The following MSRA variants were observed in gnomAD, a reference collection of about 807,000 sequenced individuals.
MSRA encodes methionine sulfoxide reductase A.
A neutral mutation model predicts 31.3 loss-of-function variants in MSRA; 54 were observed. That is an observed-to-expected ratio of 1.73 (90% confidence interval 1.39 to 2.17). The LOEUF (loss-of-function observed/expected upper bound fraction) is 2.17, where lower values mean the gene tolerates loss of function less well. Among genes scored for constraint, MSRA ranks in the 30% most tolerant of loss-of-function variants. MSRA has a pLI of 0.00. For missense variants in MSRA, 507 were observed against 300.9 expected, an observed-to-expected ratio of 1.69 and a Z score of -5.07; for synonymous variants, 169 against 116.5, an observed-to-expected ratio of 1.45 and a Z score of -2.90.
At chr8:10,325,997 C>A (rs1248827558) in intron 5 of MSRA, among the ~76,000 whole-genome samples, 1 of 152,190 alleles carries the variant, frequency 6.6e-6, no homozygotes, top group East Asian at 1.9e-4. Context: ...GGAAATTCTG[C>A]CCATGACTCA....
chr8:10,358,829 T>A (rs1804670285), intron 5 of MSRA, among the ~76,000 whole-genome samples: 1 of 148,876 alleles, frequency 6.7e-6, no homozygotes, highest in South Asian at 2.1e-4. Flanking sequence ...CCTGACCTCG[T>A]GATCCGCCCG....
chr8:10,295,157 A>G (rs557348903), intron 3 of MSRA, among the ~76,000 whole-genome samples: 5 of 152,186 alleles, frequency 3.3e-5, no homozygotes, highest in Admixed American at 6.5e-5. Flanking sequence ...TGTTTGGGCA[A>G]TGAGACTGCT....
intron 1 of MSRA, among the ~76,000 whole-genome samples, chr8:10,207,486 G>A (rs139788545): frequency 1.7e-3 from 261 of 152,340 alleles, no homozygotes; most frequent in Middle Eastern, 0.01. Flanking sequence ...CAGCCTGGAA[G>A]TTGGAGCTTT....
At chr8:10,095,439 A>C (rs530982522) in intron 1 of MSRA, 77 of 983,038 alleles carry the variant, frequency 7.8e-5, no homozygotes, top group Non-Finnish European at 9.1e-5. Context: ...CCTGTTTTCA[A>C]ATGTATTAAT....
intron 1 of MSRA, among the ~76,000 whole-genome samples, chr8:10,192,029 G>A (rs1014052937): frequency 6.6e-6 from 1 of 152,152 alleles, no homozygotes; most frequent in Non-Finnish European, 1.5e-5. Context: ...CATTCACAGG[G>A]CTGTTGGCAA....
At chr8:10,296,670 T>A (rs910940943) in intron 3 of MSRA, among the ~76,000 whole-genome samples, 2 of 152,196 alleles carry the variant, frequency 1.3e-5, no homozygotes, top group Non-Finnish European at 2.9e-5. Context: ...ATCACCCAGT[T>A]TGCAGGTGAA....
chr8:10,083,379 A>G (rs562140150), intron 1 of MSRA, among the ~76,000 whole-genome samples: 31 of 152,320 alleles, frequency 2.0e-4, no homozygotes, highest in Admixed American at 1.6e-3. Flanking sequence ...ATTTCCCTGT[A>G]TTTTAGAAAT....
chr8:10,065,306 G>T (rs1797401777), intron 1 of MSRA, among the ~76,000 whole-genome samples: 1 of 152,180 alleles, frequency 6.6e-6, no homozygotes, highest in African/African-American at 2.4e-5. Context: ...GACACCAGGA[G>T]TAGAAACTTC....
intron 5 of MSRA, among the ~76,000 whole-genome samples, chr8:10,426,057 C>G (rs1346035859): frequency 6.6e-6 from 1 of 152,184 alleles, no homozygotes; most frequent in African/African-American, 2.4e-5. Flanking sequence ...ATCCCAAAGC[C>G]TTCCTTCAGT....
At chr8:10,190,315 C>T (rs935831836) in intron 1 of MSRA, among the ~76,000 whole-genome samples, 2 of 152,206 alleles carry the variant, frequency 1.3e-5, no homozygotes, top group South Asian at 4.1e-4. Context: ...CACAGGGCAC[C>T]AGAGCCCCTG....
At chr8:10,175,172 C>T (rs1805937533) in intron 1 of MSRA, among the ~76,000 whole-genome samples, 1 of 152,108 alleles carries the variant, frequency 6.6e-6, no homozygotes, top group Admixed American at 6.6e-5. Context: ...GAGCACCTGG[C>T]ACTCATGAGA....
At chr8:10,137,443 G>A (rs1802365779) in intron 1 of MSRA, among the ~76,000 whole-genome samples, 2 of 152,102 alleles carry the variant, frequency 1.3e-5, no homozygotes, top group Non-Finnish European at 2.9e-5. Context: ...TATACACCTG[G>A]AATCGGTATT....
chr8:10,214,667 AC>A (rs1809832483), intron 2 of MSRA, among the ~76,000 whole-genome samples: 1 of 152,198 alleles, frequency 6.6e-6, no homozygotes, highest in African/African-American at 2.4e-5. Context: ...AATTAGCGAA[AC>A]AATCTAAATT....
At chr8:10,391,133 G>T (rs931300752) in intron 5 of MSRA, among the ~76,000 whole-genome samples, 1 of 152,198 alleles carries the variant, frequency 6.6e-6, no homozygotes, top group African/African-American at 2.4e-5. Context: ...CACTCTATTG[G>T]AAGAACACTT....
intron 2 of MSRA, among the ~76,000 whole-genome samples, chr8:10,208,120 C>T (rs73191562): frequency 0.086 from 13,019 of 152,072 alleles, 881 homozygotes; most frequent in African/African-American, 0.19. Flanking sequence ...CGTTGACAAC[C>T]ACGTATCAAA....
At chr8:10,116,440 A>G (rs1377030998) in intron 1 of MSRA, among the ~76,000 whole-genome samples, 2 of 152,174 alleles carry the variant, frequency 1.3e-5, no homozygotes, top group Non-Finnish European at 1.5e-5. Flanking sequence ...TTGATAAGCA[A>G]TTCTTGAGCA....
chr8:10,245,570 A>T (rs1407035698), intron 3 of MSRA, among the ~76,000 whole-genome samples: 1 of 152,202 alleles, frequency 6.6e-6, no homozygotes. Flanking sequence ...TCATGTGGCT[A>T]AGGTCAACCT....
chr8:10,183,759 G>C (rs934155701), intron 1 of MSRA, among the ~76,000 whole-genome samples: 1 of 148,834 alleles, frequency 6.7e-6, no homozygotes, highest in African/African-American at 2.5e-5. Flanking sequence ...TGGCATCAGG[G>C]TGACAAGCTG....
At chr8:10,225,916 A>G (rs1001587042) in intron 2 of MSRA, among the ~76,000 whole-genome samples, 1 of 152,258 alleles carries the variant, frequency 6.6e-6, no homozygotes. Context: ...GAAGTATTCT[A>G]TCCATGCCAG....
Sources: gnomAD v4.1 joint callset for allele counts (sites outside exome capture counted in the v4.1 genomes callset) on GRCh38, gnomAD v4.1.1 for gene constraint, MANE v1.5 for transcripts, NCBI Gene and HGNC (gene_info 2026-07-23, HGNC 2026-07-21) for gene names.